DENND1C: variants seen among roughly 807,000 people sequenced by gnomAD.
DENND1C encodes the protein DENN domain-containing protein 1C.
A neutral mutation model predicts 87.9 loss-of-function variants in DENND1C; 64 were observed. The ratio of observed to expected loss-of-function variants is 0.73; its 90% CI spans 0.60 to 0.90. DENND1C has a LOEUF of 0.90. Ranked by LOEUF, DENND1C falls within the 40% of genes least tolerant of loss-of-function variation. The pLI, the probability that DENND1C is intolerant of heterozygous loss-of-function variation, is 0.00. For synonymous variants in DENND1C, 384 were observed against 424.4 expected (o/e 0.90, Z 1.17); for missense variants, 980 against 1,037.0 (o/e 0.95, Z 0.76).
At chr19:6,480,121 C>T (rs1410742337) in intron 1 of DENND1C, 70 bp from the exon 2 acceptor site, 24 of 1,553,624 alleles carry the variant, frequency 1.5e-5, no homozygotes, top group Admixed American at 1.9e-5. Context: ...ACTTTGCACA[C>T]AAGTGTGGTT....
In DENND1C at chr19:6,477,095, G is replaced by A; in HGVS notation, c.546C>T (p.Arg182=). The A allele has an allele frequency of 6.2e-7, 1 of 1,606,116 alleles. No individual in the cohort carries two copies. The highest frequency in any genetic ancestry group is 1.3e-5 in the African/African-American group (1 of 74,608). Residue 182 remains arginine, a synonymous_variant, in exon 9 of 23, where the codon CGC becomes CGT. Transcript: ENST00000381480. The part of the protein sequence containing the change: ...LSCFVAPDSG[R]LPSIPENRNL... ...TCACGTTCTCAGGGATGGATGGCAGGCGGCCGGAGTCCGGGGCCACGAAGC... is the reference window on the plus strand; with the variant it reads ...TCACGTTCTCAGGGATGGATGGCAGACGGCCGGAGTCCGGGGCCACGAAGC...
rs777005981 is a variant in DENND1C, at chr19:6,467,817, T to A, written c.2093A>T (p.Asn698Ile). 4.5e-6 allele frequency: 7 copies of A among 1,542,182 alleles called. No individual in the cohort carries two copies. Among genetic ancestry groups the A allele is most frequent in the Non-Finnish European group, 6.1e-6 (7 of 1,146,350 alleles). ...KAAEDSTAQENPTPWLSTAPT... is the reference protein window; with the variant it reads ...KAAEDSTAQEIPTPWLSTAPT... Reference sequence around the variant, plus strand: ...TGCAGTGGAGAGCCAGGGAGTGGGGTTTTCCTGGGCTGTAGAATCTTCAGC... The same window carrying A: ...TGCAGTGGAGAGCCAGGGAGTGGGGATTTCCTGGGCTGTAGAATCTTCAGC... The change falls in exon 23 of 23, where the codon AAC becomes ATC. Residue 698 changes from asparagine (N) to isoleucine (I), a missense_variant. Asn to Ile is a moderately radical substitution (Grantham distance 149). Coordinates refer to ENST00000381480, the MANE Select transcript of DENND1C (RefSeq NM_024898.4).
chr19:6,480,482 A>ATCTG (rs372347560), intron 1 of DENND1C: 2 of 983,686 alleles, frequency 2.0e-6, no homozygotes, highest in East Asian at 1.1e-4. Context: ...ATATCCATCT[A>ATCTG]TCTGTCTGTC....
intron 21 of DENND1C, 42 bp downstream of exon 21, chr19:6,468,536 T>C: frequency 2.6e-6 from 4 of 1,556,376 alleles, no homozygotes; most frequent in Non-Finnish European, 3.5e-6. Flanking sequence ...CCATCAGTCC[T>C]GGCCTCCCAC....
Position 6,472,901 on chromosome 19 carries a change from C to G in DENND1C, c.1146G>C (p.Gln382His). The G allele has an allele frequency of 6.4e-7, 1 of 1,570,064 alleles. No individual in the cohort carries two copies. Among genetic ancestry groups the G allele is most frequent in the Non-Finnish European group, 8.6e-7 (1 of 1,159,546 alleles). Residue 382 changes from glutamine to histidine, a missense_variant, in exon 15 of 23, where the codon CAG becomes CAC. Coordinates refer to ENST00000381480, the MANE Select transcript of DENND1C (RefSeq NM_024898.4). Reference sequence around the variant, plus strand: ...GGCTCTGGCATACCTGTTTGAACAGCTGCAGGTGCACAGCCCGCCGGTGGA... The same window carrying G: ...GGCTCTGGCATACCTGTTTGAACAGGTGCAGGTGCACAGCCCGCCGGTGGA... ...QAFHRRAVHL[Q>H]LFKQFIEARL...
intron 19 of DENND1C, chr19:6,469,339 C>CTT: frequency 2.0e-6 from 1 of 492,914 alleles, no homozygotes; most frequent in African/African-American, 1.9e-5. Context: ...CCACAGTCTT[C>CTT]TTTTTTTTGA....
rs184118006 is a variant in DENND1C, at chr19:6,476,654, A to G, written c.678+203T>C. The G allele has an allele frequency of 2.5e-4, 143 of 577,872 alleles. 4 individuals carry two copies. In the East Asian group the frequency reaches 3.2e-3, roughly 13 times the overall value. The allele number at this position is 577,872 out of a possible 1,614,324, so 35.8% of individuals were successfully genotyped here. On this transcript the variant is annotated intron_variant, in intron 10 of 22. Transcript: ENST00000381480. ...GGTGGAGCCTGAGCACAGTACTCCC[A>G]AAAAGGAGGAGCTGCAGCGCAGCCC...
At chr19:6,480,313 A>T in intron 1 of DENND1C, 1 of 1,390,768 alleles carries the variant, frequency 7.2e-7, no homozygotes, top group Non-Finnish European at 9.3e-7. Context: ...GGCTGAGTGC[A>T]TGGCTTTTGT....
At chr19:6,468,495 A>G in intron 21 of DENND1C, 54 bp from the exon 22 acceptor site, 2 of 1,574,896 alleles carry the variant, frequency 1.3e-6, no homozygotes, top group Non-Finnish European at 1.7e-6. Context: ...AGCCCTGGTC[A>G]GGCTGCTCTG....
In DENND1C at chr19:6,468,136, G is replaced by C. The variant is rs2092806173; in HGVS notation, c.1792-18C>G. 1 of 1,611,008 alleles carries C rather than the reference G, an allele frequency of 6.2e-7. No individual in the cohort carries two copies. Among genetic ancestry groups the C allele is most frequent in the African/African-American group, 1.3e-5 (1 of 74,870 alleles). ...ATGTTGGGCTAGGTGAGATGGATAG[G>C]GAAGTTGTGGCTTTTAGATGGCAGA... On this transcript the variant is annotated intron_variant, in intron 22 of 22. Transcript: ENST00000381480.
At position 6,474,495 on chromosome 19, in the gene DENND1C, GCCTTGGTTT is replaced by G. The variant is rs1444792655; in HGVS notation, c.1053+770_1053+778del. On this transcript the variant is annotated intron_variant, in intron 14 of 22. Coordinates refer to ENST00000381480, the MANE Select transcript of DENND1C (RefSeq NM_024898.4). ...TCACCCACTGTGGGACTTCTCCAAA[GCCTTGGTTT>G]CCTCATATGGAAAATGGGACTATCA... is the stretch of plus-strand genomic sequence containing the variant. Among the ~76,000 whole-genome samples the G allele has an allele frequency of 2.0e-5, 3 of 152,330 alleles. No homozygotes were observed. In the East Asian group the frequency reaches 5.8e-4, roughly 29 times the overall value.
At chr19:6,475,660 A>T in intron 12 of DENND1C, 46 bp downstream of exon 12, 2 of 1,611,958 alleles carry the variant, frequency 1.2e-6, no homozygotes, top group Non-Finnish European at 1.7e-6. Flanking sequence ...ATGTAGAGGA[A>T]GGGGGAACCC....
Position 6,481,573 on chromosome 19 carries a change from G to A in DENND1C, c.17+106C>T, listed in dbSNP as rs1366338824. 2.6e-6 allele frequency: 4 copies of A among 1,537,952 alleles called. No individual in the cohort carries two copies. In the African/African-American group the frequency reaches 5.5e-5, roughly 21 times the overall value. ...TGATTCCAGCCACCTGCCCTGGCAG[G>A]TCACTGCACCTCCCGGGCCTGCTCC... On this transcript the variant is annotated intron_variant, in intron 1 of 22. Coordinates refer to ENST00000381480, the MANE Select transcript of DENND1C (RefSeq NM_024898.4).
intron 17 of DENND1C, among the ~76,000 whole-genome samples, 178 bp from the exon 18 acceptor site, chr19:6,470,544 C>G (rs2092821838): frequency 6.6e-6 from 1 of 151,580 alleles, no homozygotes; most frequent in Admixed American, 6.6e-5. Context: ...TAAATTAATC[C>G]AATGAGACAC....
chr19:6,470,209 A>C (rs1024245714), intron 18 of DENND1C, 86 bp downstream of exon 18: 1 of 1,383,652 alleles, frequency 7.2e-7, no homozygotes, highest in African/African-American at 1.4e-5. Context: ...CAGGGTCAAA[A>C]TACTCCATCC....
Position 6,479,008 on chromosome 19 carries a change from G to A in DENND1C, c.225C>T (p.Asp75=), listed in dbSNP as rs375959241. 1 of 1,613,968 alleles carries A rather than the reference G, an allele frequency of 6.2e-7. No homozygotes were observed. ...AACCAAATCTGCGGTTGCCGGCAAG[G>A]TCTGTGAGGGCGAAGGTGAAATGCT... The part of the protein sequence containing the change: ...AVQHFTFALT[D]LAGNRRFGFC... Residue 75 remains aspartate (D), a synonymous_variant, in exon 5 of 23, where the codon GAC becomes GAT. Coordinates refer to ENST00000381480, the MANE Select transcript of DENND1C (RefSeq NM_024898.4).
At position 6,470,889 on chromosome 19, in the gene DENND1C, C is replaced by G. The variant is rs989208553; in HGVS notation, c.1290+376G>C. Among the ~76,000 whole-genome samples the G allele has an allele frequency of 5.0e-4, 76 of 151,974 alleles. 1 individual carries two copies. The highest frequency in any genetic ancestry group is 4.9e-4 in the Non-Finnish European group (33 of 67,994). On this transcript the variant is annotated intron_variant, in intron 17 of 22. Coordinates refer to ENST00000381480, the MANE Select transcript of DENND1C (RefSeq NM_024898.4). ...CCCGCCTCAGCCTCAAACTCCTGAC[C>G]TCAGGCAATTCGCCTGCCTCAGCCT...
intron 18 of DENND1C, 170 bp from the exon 19 acceptor site, chr19:6,469,810 T>C: frequency 1.5e-6 from 1 of 650,836 alleles, no homozygotes; most frequent in Non-Finnish European, 2.7e-6. Context: ...TTCACCCCTT[T>C]GACTAATATA....
In DENND1C at chr19:6,481,707, G is replaced by T. The variant is rs1599396135; in HGVS notation, c.-12C>A. Reference sequence around the variant, plus strand: ...GCTCTGGATTCCATGGTCCCTGCAGGGCCAGCCCAGCGGGGCCCTCTCCCC... The same window carrying T: ...GCTCTGGATTCCATGGTCCCTGCAGTGCCAGCCCAGCGGGGCCCTCTCCCC... On this transcript the variant is annotated 5_prime_UTR_variant, in exon 1 of 23. Coordinates refer to ENST00000381480, the MANE Select transcript of DENND1C (RefSeq NM_024898.4). 3.8e-6 allele frequency: 6 copies of T among 1,580,400 alleles called. No homozygotes were observed. In the East Asian group the frequency reaches 1.4e-4, roughly 37 times the overall value.
Sources: gnomAD v4.1 joint callset for allele counts (sites outside exome capture counted in the v4.1 genomes callset) on GRCh38, gnomAD v4.1.1 for gene constraint, MANE v1.5 for transcripts, NCBI Gene and HGNC (gene_info 2026-07-23, HGNC 2026-07-21) for gene names.